AS3MT: variants seen among roughly 807,000 people sequenced by gnomAD.
The protein encoded by AS3MT is S-adenosyl-L-methionine:arsenic(III) methyltransferase.
Under a neutral mutation model 45.3 loss-of-function variants are expected in AS3MT, and 47 were observed. The observed-to-expected ratio is 1.04, with a 90% CI of 0.82 to 1.32. AS3MT has a LOEUF of 1.32. Among genes scored for constraint, AS3MT ranks in the 40% most tolerant of loss-of-function variants. The pLI, the probability that AS3MT is intolerant of heterozygous loss-of-function variation, is 0.00. For missense variants in AS3MT, 396 were observed against 451.1 expected, an observed-to-expected ratio of 0.88 and a Z score of 1.11; for synonymous variants, 141 against 152.8, an observed-to-expected ratio of 0.92 and a Z score of 0.57.
intron 6 of AS3MT, 125 bp downstream of exon 6, chr10:102,874,786 G>A: frequency 2.7e-6 from 2 of 742,438 alleles, no homozygotes; most frequent in Admixed American, 2.2e-5. Context: ...TGAATAAGGG[G>A]TGGCAAAAGG....
Position 102,878,466 on chromosome 10 carries a change from C to T in AS3MT, c.698C>T (p.Ala233Val). The T allele has an allele frequency of 6.2e-7, 1 of 1,613,862 alleles. No homozygotes were observed. The highest frequency in any genetic ancestry group is 8.5e-7 in the Non-Finnish European group (1 of 1,179,966). The change falls in exon 8 of 11, where the codon GCC becomes GTC. Residue 233 changes from alanine to valine, a missense_variant. Ala to Val is a moderately conservative substitution (Grantham distance 64). Transcript: ENST00000369880. The stretch of plus-strand genomic sequence containing the variant: ...TTCTGCCCTCCACGTTTGGTCACTG[C>T]CAATCTCATTACAATTCAAAACAAG... ...IGFCPPRLVT[A>V]NLITIQNKEL...
chr10:102,889,433 A>G (rs1845022210), intron 9 of AS3MT, among the ~76,000 whole-genome samples: 1 of 152,084 alleles, frequency 6.6e-6, no homozygotes, highest in African/African-American at 2.4e-5. Flanking sequence ...TAAAATCTGA[A>G]TAGTATTCCA....
intron 9 of AS3MT, among the ~76,000 whole-genome samples, chr10:102,890,254 G>A (rs1301840980): frequency 6.6e-6 from 1 of 151,590 alleles, no homozygotes; most frequent in East Asian, 2.0e-4. Context: ...GGCCCACCTC[G>A]GCCTCCCAGA....
chr10:102,871,546 CAAAAAA>C (rs748797211), intron 3 of AS3MT, among the ~76,000 whole-genome samples: 88 of 23,250 alleles, frequency 3.8e-3, no homozygotes, highest in African/African-American at 0.015. Context: ...GACTCCGTCT[CAAAAAA>C]AAAAAAAAAA....
chr10:102,870,447 G>C (rs752969535), intron 3 of AS3MT, among the ~76,000 whole-genome samples: 1 of 152,204 alleles, frequency 6.6e-6, no homozygotes, highest in African/African-American at 2.4e-5. Context: ...GCAGAGGATC[G>C]CGTGAGCCCA....
chr10:102,885,319 C>A (rs977636285), intron 9 of AS3MT, among the ~76,000 whole-genome samples: 16 of 151,612 alleles, frequency 1.1e-4, no homozygotes, highest in Admixed American at 2.0e-4. Context: ...GGATTTCCTT[C>A]TTTTATTTTA....
rs369287116 is a variant in AS3MT at position 102,873,705 on chromosome 10, G to A, written c.458+472G>A. Reference sequence around the variant, plus strand: ...TGGGAGAGAGCTGGTTTGAGCTGCTGGAGCTCACCAGCAGCAGAACACACC... The same window carrying A: ...TGGGAGAGAGCTGGTTTGAGCTGCTAGAGCTCACCAGCAGCAGAACACACC... On this transcript the variant is annotated intron_variant, in intron 5 of 10. Coordinates refer to ENST00000369880, the MANE Select transcript of AS3MT (RefSeq NM_020682.4). Among the ~76,000 whole-genome samples, 141 of 152,220 alleles carry A rather than the reference G, an allele frequency of 9.3e-4. 2 individuals carry two copies. In the South Asian group the frequency reaches 0.024, roughly 26 times the overall value.
At chr10:102,880,117 G>A (rs1212873281) in intron 9 of AS3MT, among the ~76,000 whole-genome samples, 1 of 152,174 alleles carries the variant, frequency 6.6e-6, no homozygotes, top group African/African-American at 2.4e-5. Flanking sequence ...GTAGGAGTAT[G>A]TACAATAGTA....
chr10:102,875,232 T>G (rs990425371), intron 6 of AS3MT, among the ~76,000 whole-genome samples: 1 of 152,118 alleles, frequency 6.6e-6, no homozygotes, highest in Non-Finnish European at 1.5e-5. Flanking sequence ...ATCCCAGTGC[T>G]GTGGGAGGCC....
chr10:102,876,791 T>G (rs924274744), intron 6 of AS3MT, among the ~76,000 whole-genome samples, 163 bp from the exon 7 acceptor site: 1 of 152,200 alleles, frequency 6.6e-6, no homozygotes, highest in South Asian at 2.1e-4. Flanking sequence ...CACTTGACTA[T>G]TGATTGTAAC....
At chr10:102,889,994 C>CT (rs763044924) in intron 9 of AS3MT, among the ~76,000 whole-genome samples, 22,309 of 126,182 alleles carry the variant, frequency 0.18, 2,310 homozygotes, top group East Asian at 0.32. Context: ...ATTTTCTTTT[C>CT]TTTTTTTTTT....
At chr10:102,887,451 A>G (rs956037094) in intron 9 of AS3MT, among the ~76,000 whole-genome samples, 2 of 152,166 alleles carry the variant, frequency 1.3e-5, no homozygotes, top group Non-Finnish European at 2.9e-5. Flanking sequence ...GCATTACAGT[A>G]TATCTCTTCT....
At chr10:102,899,257 C>CCA (rs1269944710) in intron 10 of AS3MT, among the ~76,000 whole-genome samples, 12 of 152,266 alleles carry the variant, frequency 7.9e-5, no homozygotes, top group African/African-American at 2.9e-4. Context: ...TCCCAGAGTG[C>CCA]TGGGATTACT....
intron 9 of AS3MT, among the ~76,000 whole-genome samples, chr10:102,879,854 G>C (rs1056537245): frequency 2.0e-5 from 3 of 150,626 alleles, no homozygotes; most frequent in African/African-American, 7.3e-5. Flanking sequence ...CTATATTTCA[G>C]CAATTGAGAA....
chr10:102,869,945 A>G (rs1462815098), intron 2 of AS3MT, 100 bp downstream of exon 2: 4 of 1,572,388 alleles, frequency 2.5e-6, no homozygotes, highest in African/African-American at 1.3e-5. Flanking sequence ...GAGTCGGGGT[A>G]GGGCAGGGTC....
chr10:102,896,470 G>T (rs958689439), intron 10 of AS3MT, among the ~76,000 whole-genome samples: 1 of 151,550 alleles, frequency 6.6e-6, no homozygotes, highest in Non-Finnish European at 1.5e-5. Flanking sequence ...TTACCAGCAT[G>T]AATCTAACCC....
rs59187234 is a variant in AS3MT, at chr10:102,888,885, T to A, written c.886-1659T>A. ...TATATATATATATATATATATATTT[T>A]TTTTTTTTTTTTTGAGACGGAGTCT... On this transcript the variant is annotated intron_variant, in intron 9 of 10. Coordinates refer to ENST00000369880, the MANE Select transcript of AS3MT (RefSeq NM_020682.4). 6.7e-4 allele frequency among the ~76,000 whole-genome samples: 84 copies of A among 125,682 alleles called. 1 individual carries two copies. The highest frequency in any genetic ancestry group is 2.4e-3 in the African/African-American group (74 of 30,620). The allele number at this position is 125,682 out of a possible 152,430, so 82.5% of individuals were successfully genotyped here. A position where few individuals can be genotyped will look rare whatever the true frequency, so the allele number is the denominator to read the frequency against.
intron 6 of AS3MT, among the ~76,000 whole-genome samples, chr10:102,876,545 T>G (rs1209643909): frequency 6.6e-6 from 1 of 152,072 alleles, no homozygotes; most frequent in African/African-American, 2.4e-5. Flanking sequence ...CCTGAGTCAT[T>G]GGGATTAGAG....
At chr10:102,869,710 AC>A (rs1844643711) in intron 1 of AS3MT, 94 bp from the exon 2 acceptor site, 2 of 1,571,902 alleles carry the variant, frequency 1.3e-6, no homozygotes, top group Non-Finnish European at 1.7e-6. Flanking sequence ...TCCTCCCCTC[AC>A]CCCTCGGCCC....
Sources: allele counts gnomAD v4.1 joint callset (sites outside exome capture counted in the v4.1 genomes callset), GRCh38; gene constraint gnomAD v4.1.1; transcripts MANE v1.5; gene names NCBI Gene and HGNC (gene_info 2026-07-23, HGNC 2026-07-21).